Variants in CDC27 observed in about 807,000 individuals in gnomAD.
The protein encoded by CDC27 is cell division cycle 27, also known as cell division cycle protein 27 homolog.
CDC27 carries 27 observed loss-of-function variants against 109.7 expected under a neutral mutation model. That is an observed-to-expected ratio of 0.25 (90% CI 0.18 to 0.34). CDC27 has a LOEUF of 0.34. Ranked by LOEUF, CDC27 falls within the 10% of genes least tolerant of loss-of-function variation. The pLI is 1.00. For missense variants in CDC27, 579 were observed against 960.2 expected, an observed-to-expected ratio of 0.60 and a Z score of 5.25; for synonymous variants, 266 against 333.9, an observed-to-expected ratio of 0.80 and a Z score of 2.22.
At chr17:47,187,796 T>C (rs1340740147) in intron 1 of CDC27, among the ~76,000 whole-genome samples, 3 of 151,512 alleles carry the variant, frequency 2.0e-5, no homozygotes, top group African/African-American at 7.3e-5. Flanking sequence ...CTATTTAAGT[T>C]CATGTTAGGC....
At chr17:47,154,040 G>A (rs990535057) in intron 8 of CDC27, among the ~76,000 whole-genome samples, 2 of 150,928 alleles carry the variant, frequency 1.3e-5, no homozygotes, top group African/African-American at 4.9e-5. Context: ...AGTGAGTCAT[G>A]GTCACACCAC....
chr17:47,124,819 T>C (rs931660577), intron 16 of CDC27, among the ~76,000 whole-genome samples: 1 of 152,218 alleles, frequency 6.6e-6, no homozygotes, highest in African/African-American at 2.4e-5. Context: ...AACGTCAAGA[T>C]ATTATTGTAA....
At chr17:47,134,981 C>T (rs186172641) in intron 14 of CDC27, among the ~76,000 whole-genome samples, 1 of 151,908 alleles carries the variant, frequency 6.6e-6, no homozygotes, top group East Asian at 1.9e-4. Context: ...GTGCCAAGAC[C>T]ATTGCTAAAT....
At chr17:47,162,482 C>T (rs1200085398) in intron 4 of CDC27, among the ~76,000 whole-genome samples, 1 of 152,148 alleles carries the variant, frequency 6.6e-6, no homozygotes, top group Non-Finnish European at 1.5e-5. Flanking sequence ...TACCTGTTTC[C>T]TGTTTTCAAG....
intron 15 of CDC27, among the ~76,000 whole-genome samples, chr17:47,130,256 G>T (rs566015503): frequency 1.2e-3 from 180 of 152,284 alleles, no homozygotes; most frequent in Non-Finnish European, 2.4e-3. Context: ...AGCTACTTGG[G>T]AGGCTGAGGC....
chr17:47,175,041 GGAAGGA>G (rs1229128369), intron 2 of CDC27, among the ~76,000 whole-genome samples: 1 of 40,460 alleles, frequency 2.5e-5, no homozygotes, highest in Middle Eastern at 0.01. Flanking sequence ...GAGAGAGAGA[GGAAGGA>G]AGGAAGGAAG....
chr17:47,172,044 AC>A lies in CDC27; in HGVS notation c.123del (p.Leu41PhefsTer21). 6.3e-7 allele frequency: 1 copy of A among 1,585,240 alleles called. No homozygotes were observed. Among genetic ancestry groups the A allele is most frequent in the South Asian group, 1.2e-5 (1 of 84,082 alleles). On this transcript the variant is annotated frameshift_variant, in exon 3 of 19. Coordinates refer to ENST00000066544, the MANE Select transcript of CDC27 (RefSeq NM_001256.6). LOFTEE classifies it high-confidence loss of function. ...CGGTAATAACAGGTTGCCAGTAAAA[AC>A]AAGGCTTCTTCTGAGTGTACTAAAA... The part of the protein sequence containing the change: ...LYAEVHSEEA[L>X]FLLATCYYRS...
chr17:47,174,870 C>A (rs1036033841), intron 2 of CDC27, among the ~76,000 whole-genome samples: 20 of 152,058 alleles, frequency 1.3e-4, no homozygotes, highest in African/African-American at 4.8e-4. Context: ...GCAGAACAAT[C>A]ACTTAAACCC....
chr17:47,127,764 G>A (rs759154493), intron 16 of CDC27, among the ~76,000 whole-genome samples: 3 of 151,856 alleles, frequency 2.0e-5, no homozygotes, highest in Admixed American at 6.6e-5. Context: ...GTGCAGTGGC[G>A]CGAAAACAGC....
At chr17:47,133,028 T>TATATGCAC (rs1555783886) in intron 14 of CDC27, among the ~76,000 whole-genome samples, 1 of 29,824 alleles carries the variant, frequency 3.4e-5, no homozygotes, top group African/African-American at 1.5e-4. Flanking sequence ...TATATATATA[T>TATATGCAC]ACACACACAC....
At chr17:47,184,272 A>T (rs922483749) in intron 1 of CDC27, among the ~76,000 whole-genome samples, 1 of 152,226 alleles carries the variant, frequency 6.6e-6, no homozygotes, top group Non-Finnish European at 1.5e-5. Context: ...CTAGTATACT[A>T]TCATACATTA....
At chr17:47,123,435 G>A (rs2062038642) in intron 17 of CDC27, among the ~76,000 whole-genome samples, 1 of 125,114 alleles carries the variant, frequency 8.0e-6, no homozygotes, top group African/African-American at 3.0e-5. Context: ...TTCTGAGACA[G>A]AATCTTGTTC....
chr17:47,177,526 C>T (rs2064062699), intron 2 of CDC27, among the ~76,000 whole-genome samples: 2 of 152,162 alleles, frequency 1.3e-5, no homozygotes, highest in South Asian at 4.1e-4. Context: ...CGAGATTGGG[C>T]CACTGCACTG....
intron 2 of CDC27, among the ~76,000 whole-genome samples, chr17:47,180,114 T>A (rs923713060): frequency 3.9e-5 from 6 of 152,028 alleles, no homozygotes; most frequent in African/African-American, 1.5e-4. Flanking sequence ...GGCGACAGAG[T>A]GAGATTCTGA....
At chr17:47,156,229 C>G (rs2063300430) in intron 7 of CDC27, among the ~76,000 whole-genome samples, 1 of 152,048 alleles carries the variant, frequency 6.6e-6, no homozygotes, top group African/African-American at 2.4e-5. Context: ...ACCTCTGTCT[C>G]CCGGGTTCAA....
At chr17:47,159,479 G>A (rs1189739022) in intron 4 of CDC27, 1 of 569,272 alleles carries the variant, frequency 1.8e-6, no homozygotes, top group East Asian at 3.2e-5. Flanking sequence ...TGCTCCTGGG[G>A]GTGCGACGAG....
chr17:47,137,111 C>T (rs757693142), intron 14 of CDC27, 41 bp downstream of exon 14: 1 of 1,239,866 alleles, frequency 8.1e-7, no homozygotes, highest in Non-Finnish European at 1.1e-6. Flanking sequence ...AGTACCAGCA[C>T]CATCAATACG....
chr17:47,171,675 A>G (rs1279125839), intron 3 of CDC27, among the ~76,000 whole-genome samples: 1 of 152,208 alleles, frequency 6.6e-6, no homozygotes, highest in Non-Finnish European at 1.5e-5. Context: ...CATTTAAGAA[A>G]CCAATAAGAA....
At chr17:47,138,364 T>C (rs1181235934) in intron 13 of CDC27, among the ~76,000 whole-genome samples, 2 of 152,214 alleles carry the variant, frequency 1.3e-5, no homozygotes, top group East Asian at 3.8e-4. Flanking sequence ...CTTACAAGAT[T>C]AGAGCATGTA....
Sources: gnomAD v4.1 joint callset for allele counts (sites outside exome capture counted in the v4.1 genomes callset) on GRCh38, gnomAD v4.1.1 for gene constraint, MANE v1.5 for transcripts, NCBI Gene and HGNC (gene_info 2026-07-23, HGNC 2026-07-21) for gene names.